MAPRE3: variants seen among roughly 807,000 people sequenced by gnomAD.
The protein encoded by MAPRE3 is microtubule-associated protein RP/EB family member 3.
MAPRE3 carries 2 observed loss-of-function variants against 30.5 expected under a neutral mutation model. The ratio of observed to expected loss-of-function variants is 0.07; its 90% confidence interval spans 0.03 to 0.21. The LOEUF (loss-of-function observed/expected upper bound fraction) is 0.21, where lower values mean the gene tolerates loss of function less well. Among genes scored for constraint, MAPRE3 ranks in the 10% least tolerant of loss-of-function variants. The pLI is 1.00. For synonymous variants in MAPRE3, 110 were observed against 127.7 expected (o/e 0.86, Z 0.93); for missense variants, 204 against 351.8 (o/e 0.58, Z 3.36).
At chr2:26,971,828 C>G (rs1046987959) in intron 1 of MAPRE3, among the ~76,000 whole-genome samples, 5 of 152,044 alleles carry the variant, frequency 3.3e-5, no homozygotes, top group Non-Finnish European at 5.9e-5. Context: ...AAAATCGAAG[C>G]TTCTCCATGG....
rs1667126955 is a variant in MAPRE3 at position 27,022,409 on chromosome 2, G to A, written c.121+70G>A. The A allele has an allele frequency of 3.2e-6, 5 of 1,581,194 alleles. No homozygotes were observed. In the East Asian group the frequency reaches 9.0e-5, roughly 28 times the overall value. On this transcript the variant is annotated intron_variant, in intron 2 of 6. Coordinates refer to ENST00000233121, the MANE Select transcript of MAPRE3 (RefSeq NM_012326.4). ...GAAAGAAAGGTCGGAAGGCAGAGCA[G>A]CCACAACAGGGAATATACAGTCATG... is the stretch of plus-strand genomic sequence containing the variant.
intron 1 of MAPRE3, among the ~76,000 whole-genome samples, chr2:26,993,659 G>A (rs1016404444): frequency 1.3e-5 from 2 of 152,194 alleles, no homozygotes; most frequent in African/African-American, 2.4e-5. Flanking sequence ...TTCAGGTGGT[G>A]ACTAAACTCT....
chr2:27,010,439 C>CCT (rs1666825069), intron 1 of MAPRE3, among the ~76,000 whole-genome samples: 2 of 115,506 alleles, frequency 1.7e-5, no homozygotes, highest in Non-Finnish European at 3.4e-5. Flanking sequence ...ATCTGTATTT[C>CCT]TTTTTTTTTT....
At chr2:26,988,720 G>A (rs185631358) in intron 1 of MAPRE3, among the ~76,000 whole-genome samples, 1 of 152,330 alleles carries the variant, frequency 6.6e-6, no homozygotes, top group Admixed American at 6.5e-5. Context: ...AGCGAAAAAT[G>A]CAGACTCTGA....
At chr2:27,021,964 G>C (rs1279673040) in intron 1 of MAPRE3, among the ~76,000 whole-genome samples, 1 of 152,202 alleles carries the variant, frequency 6.6e-6, no homozygotes, top group Non-Finnish European at 1.5e-5. Context: ...CTGCCTGTCT[G>C]TAAATGCCTC....
In MAPRE3 at chr2:27,024,102, C is replaced by G; in HGVS notation, c.274C>G (p.Pro92Ala). The G allele has an allele frequency of 1.2e-6, 2 of 1,612,910 alleles. No individual in the cohort carries two copies. The highest frequency in any genetic ancestry group is 1.7e-6 in the Non-Finnish European group (2 of 1,179,064). ...CTTATGTGGTCTATTTCAGATCATT[C>G]CTGTAGAGAAATTAGTGAAAGGAAA... ...FKKMGVDKIIPVEKLVKGKFQ... is the reference protein window; with the variant it reads ...FKKMGVDKIIAVEKLVKGKFQ... Residue 92 changes from proline to alanine, a missense_variant, in exon 4 of 7, where the codon CCT becomes GCT. By Grantham distance (27) the Pro-to-Ala change is conservative. Around this residue, in one of 5 missense-constraint regions of MAPRE3, gnomAD observed 101 missense variants for 205.4 expected, o/e 0.49. Transcript: ENST00000233121.
rs1553327623 is a variant in MAPRE3, at chr2:26,992,548, T to TTA, written c.-8+21746_-8+21747insTA. On this transcript the variant is annotated intron_variant, in intron 1 of 6. Transcript: ENST00000233121. ...CCCAGATAATTTTTTTTTTTTTTTT[T>TTA]AATCCTGACCTATACTAAGAGTTTG... is the stretch of plus-strand genomic sequence containing the variant. 7.5e-4 allele frequency among the ~76,000 whole-genome samples: 113 copies of TTA among 149,714 alleles called. 2 individuals carry two copies. The Middle Eastern group carries it at 0.01, about 14-fold the overall frequency.
At chr2:27,020,187 A>G (rs531992383) in intron 1 of MAPRE3, among the ~76,000 whole-genome samples, 4 of 152,292 alleles carry the variant, frequency 2.6e-5, no homozygotes, top group Middle Eastern at 3.4e-3. Flanking sequence ...TAACTGGGGA[A>G]TCAAAGTAGG....
At chr2:26,995,829 G>GTGTGTGTGTGTT (rs1335864863) in intron 1 of MAPRE3, among the ~76,000 whole-genome samples, 2 of 147,008 alleles carry the variant, frequency 1.4e-5, no homozygotes, top group African/African-American at 5.2e-5. Context: ...GTGTGTGTGT[G>GTGTGTGTGTGTT]TATGTGTGTG....
intron 4 of MAPRE3, among the ~76,000 whole-genome samples, chr2:27,024,589 A>G (rs930197856): frequency 5.3e-5 from 8 of 152,240 alleles, no homozygotes; most frequent in African/African-American, 1.9e-4. Context: ...TGTTTGCCTC[A>G]AGATGATGGG....
chr2:27,020,089 T>G (rs192274027), intron 1 of MAPRE3, among the ~76,000 whole-genome samples: 1 of 152,088 alleles, frequency 6.6e-6, no homozygotes, highest in Non-Finnish European at 1.5e-5. Flanking sequence ...GGGGCCACAA[T>G]TGAGAACCAT....
intron 1 of MAPRE3, among the ~76,000 whole-genome samples, chr2:26,981,500 A>C (rs2148198711): frequency 6.6e-6 from 1 of 152,308 alleles, no homozygotes; most frequent in East Asian, 1.9e-4. Flanking sequence ...AGATTTTCAT[A>C]TTAAAATTTG....
Position 27,015,056 on chromosome 2 carries a change from C to G in MAPRE3, c.-7-7156C>G, listed in dbSNP as rs1432187110. ...GGGAGGGATTGTGGTCAGAGCCCAG[C>G]TTTGGGAAGCCCATGTGGCTGTCTC... On this transcript the variant is annotated intron_variant, in intron 1 of 6. Coordinates refer to ENST00000233121, the MANE Select transcript of MAPRE3 (RefSeq NM_012326.4). The surrounding 1 kb of genome is among the most constrained non-coding windows in gnomAD (Gnocchi z 4.0). The G allele has an allele frequency of 6.6e-6, 1 of 152,282 alleles. No homozygotes were observed. 9.4% of individuals were successfully genotyped at this position (152,282 alleles called of 1,614,324 possible).
At chr2:27,000,715 C>T (rs908882248) in intron 1 of MAPRE3, among the ~76,000 whole-genome samples, 6 of 152,216 alleles carry the variant, frequency 3.9e-5, no homozygotes, top group East Asian at 1.9e-4. Flanking sequence ...CCTCCTAGGC[C>T]GGTGCAGCTG....
chr2:27,016,446 G>A (rs1263098468), intron 1 of MAPRE3, among the ~76,000 whole-genome samples: 4 of 148,434 alleles, frequency 2.7e-5, no homozygotes, highest in African/African-American at 5.0e-5. Flanking sequence ...GTGCAGTGGC[G>A]CTATCTTGGC....
At chr2:26,983,639 C>T (rs911447189) in intron 1 of MAPRE3, among the ~76,000 whole-genome samples, 3 of 152,216 alleles carry the variant, frequency 2.0e-5, no homozygotes, top group African/African-American at 7.2e-5. Flanking sequence ...TCAGATGGTT[C>T]TCCCAGTATC....
intron 1 of MAPRE3, among the ~76,000 whole-genome samples, chr2:27,008,453 A>G (rs1459025355): frequency 1.3e-5 from 2 of 152,286 alleles, no homozygotes; most frequent in Admixed American, 6.5e-5. Flanking sequence ...TAAAGTTATG[A>G]AATTTATTTT....
At chr2:26,991,942 C>G (rs919541640) in intron 1 of MAPRE3, among the ~76,000 whole-genome samples, 1 of 152,164 alleles carries the variant, frequency 6.6e-6, no homozygotes, top group Non-Finnish European at 1.5e-5. Context: ...TTAGGCCACA[C>G]GTGGAAATTG....
At chr2:26,998,243 T>C (rs116800443) in intron 1 of MAPRE3, among the ~76,000 whole-genome samples, 2,464 of 152,350 alleles carry the variant, frequency 0.016, 78 homozygotes, top group African/African-American at 0.057. Context: ...GTTTTTCTTC[T>C]GTCTCTAAGC....
Sources: allele counts gnomAD v4.1 joint callset (sites outside exome capture counted in the v4.1 genomes callset), GRCh38; gene constraint gnomAD v4.1.1; regional missense constraint gnomAD v4.1.1; non-coding constraint Gnocchi (gnomAD v3.1); transcripts MANE v1.5; gene names NCBI Gene and HGNC (gene_info 2026-07-23, HGNC 2026-07-21).